The following CADM2 variants were observed in gnomAD, a reference collection of about 807,000 sequenced individuals.
The protein encoded by CADM2 is cell adhesion molecule 2.
Under a neutral mutation model 49.8 loss-of-function variants are expected in CADM2, and 12 were observed. The ratio of observed to expected loss-of-function variants is 0.24; its 90% CI spans 0.15 to 0.39. CADM2 has a LOEUF of 0.39. Among genes scored for constraint, CADM2 ranks in the 10% least tolerant of loss-of-function variants. The pLI is 1.00. For missense variants in CADM2, 378 were observed against 492.3 expected (o/e 0.77, Z 2.20); for synonymous variants, 214 against 175.4 (o/e 1.22, Z -1.74).
chr3:85,617,321 G>A (rs563537427), intron 1 of CADM2, among the ~76,000 whole-genome samples: 1 of 152,184 alleles, frequency 6.6e-6, no homozygotes, highest in African/African-American at 2.4e-5. Context: ...CAGGGAAACA[G>A]TTACTTATGA....
At chr3:85,292,044 A>G (rs1045079920) in intron 1 of CADM2, among the ~76,000 whole-genome samples, 2 of 151,670 alleles carry the variant, frequency 1.3e-5, no homozygotes, top group African/African-American at 4.9e-5. Flanking sequence ...CAGGAAACCC[A>G]TCTCATGTGC....
At chr3:85,496,328 G>A (rs1425683359) in intron 1 of CADM2, among the ~76,000 whole-genome samples, 1 of 152,122 alleles carries the variant, frequency 6.6e-6, no homozygotes, top group African/African-American at 2.4e-5. Context: ...TTTTGCTTAC[G>A]ATAATGGCCT....
chr3:85,236,673 A>G (rs1390207811), intron 1 of CADM2, among the ~76,000 whole-genome samples: 1 of 152,140 alleles, frequency 6.6e-6, no homozygotes. Flanking sequence ...TTGTATACAT[A>G]ACAAGCTATG....
At chr3:85,506,276 C>T (rs1576676635) in intron 1 of CADM2, among the ~76,000 whole-genome samples, 3 of 152,132 alleles carry the variant, frequency 2.0e-5, no homozygotes, top group Non-Finnish European at 4.4e-5. Flanking sequence ...AATTTAGCTG[C>T]TCTTTAGCTT....
At chr3:85,012,497 A>G (rs1368421624) in intron 1 of CADM2, among the ~76,000 whole-genome samples, 1 of 149,246 alleles carries the variant, frequency 6.7e-6, no homozygotes, top group South Asian at 2.1e-4. Flanking sequence ...GTATATATTT[A>G]TAATATATTA....
chr3:86,000,115 A>G (rs1268344208), intron 8 of CADM2, among the ~76,000 whole-genome samples: 2 of 152,200 alleles, frequency 1.3e-5, no homozygotes, highest in Admixed American at 6.5e-5. Context: ...AATGAGTCTG[A>G]GGAGAGAAGA....
At chr3:85,356,706 C>T (rs1262060585) in intron 1 of CADM2, among the ~76,000 whole-genome samples, 1 of 152,084 alleles carries the variant, frequency 6.6e-6, no homozygotes, top group Non-Finnish European at 1.5e-5. Flanking sequence ...AAATGCTATG[C>T]ATTTAATGTC....
intron 8 of CADM2, among the ~76,000 whole-genome samples, chr3:86,031,727 A>C (rs889487655): frequency 6.6e-6 from 1 of 151,840 alleles, no homozygotes; most frequent in Admixed American, 6.6e-5. Flanking sequence ...TACATGAAGA[A>C]ACTAGTGCTT....
At chr3:85,411,887 G>A (rs1045629202) in intron 1 of CADM2, among the ~76,000 whole-genome samples, 1 of 152,052 alleles carries the variant, frequency 6.6e-6, no homozygotes, top group South Asian at 2.1e-4. Flanking sequence ...ACCCAAGCTG[G>A]AGTGATCTCA....
At chr3:85,335,355 C>T (rs1326564120) in intron 1 of CADM2, among the ~76,000 whole-genome samples, 1 of 151,432 alleles carries the variant, frequency 6.6e-6, no homozygotes, top group African/African-American at 2.4e-5. Context: ...GATTTTAACT[C>T]TTCTTCTTCC....
At chr3:86,013,251 CA>C (rs1294084611) in intron 8 of CADM2, 1 of 1,477,034 alleles carries the variant, frequency 6.8e-7, no homozygotes, top group African/African-American at 1.4e-5. Flanking sequence ...TAGCAATGCT[CA>C]GAACCCCAGT....
intron 1 of CADM2, among the ~76,000 whole-genome samples, chr3:85,678,956 A>G (rs2065962456): frequency 6.6e-6 from 1 of 152,154 alleles, no homozygotes; most frequent in East Asian, 1.9e-4. Flanking sequence ...CCCCCACAGT[A>G]AAGGATTATC....
At chr3:85,177,502 C>A in intron 1 of CADM2, among the ~76,000 whole-genome samples, 1 of 151,662 alleles carries the variant, frequency 6.6e-6, no homozygotes, top group South Asian at 2.1e-4. Flanking sequence ...CATATAATAT[C>A]TTAAAATTAT....
At chr3:85,004,560 CCTAA>C (rs1267288845) in intron 1 of CADM2, among the ~76,000 whole-genome samples, 24 of 152,132 alleles carry the variant, frequency 1.6e-4, no homozygotes, top group African/African-American at 5.8e-4. Context: ...ATGTGAGATG[CCTAA>C]CTGAGATTCT....
At chr3:85,560,748 TA>T (rs1251434822) in intron 1 of CADM2, among the ~76,000 whole-genome samples, 1 of 152,234 alleles carries the variant, frequency 6.6e-6, no homozygotes, top group African/African-American at 2.4e-5. Flanking sequence ...GTTACTCATT[TA>T]TACAACAATT....
chr3:85,600,365 G>T (rs1483872699), intron 1 of CADM2, among the ~76,000 whole-genome samples: 1 of 151,884 alleles, frequency 6.6e-6, no homozygotes, highest in African/African-American at 2.4e-5. Flanking sequence ...TATCTGTCTT[G>T]TTCGTCAGCA....
intron 3 of CADM2, among the ~76,000 whole-genome samples, chr3:85,826,033 G>A (rs1251909774): frequency 6.6e-6 from 1 of 151,996 alleles, no homozygotes; most frequent in Non-Finnish European, 1.5e-5. Context: ...TAATATCTCT[G>A]AAAGTAAAAT....
intron 1 of CADM2, among the ~76,000 whole-genome samples, chr3:85,425,847 T>A (rs1304538921): frequency 6.6e-6 from 1 of 152,200 alleles, no homozygotes; most frequent in Non-Finnish European, 1.5e-5. Context: ...CCACCATATT[T>A]ATTGGTAATC....
intron 7 of CADM2, among the ~76,000 whole-genome samples, chr3:85,954,762 A>G (rs921193211): frequency 6.6e-6 from 1 of 151,244 alleles, no homozygotes; most frequent in Non-Finnish European, 1.5e-5. Context: ...ACATTTACTT[A>G]TCCCTTCCTT....
Sources: gnomAD v4.1 joint callset for allele counts (sites outside exome capture counted in the v4.1 genomes callset) on GRCh38, gnomAD v4.1.1 for gene constraint, MANE v1.5 for transcripts, NCBI Gene and HGNC (gene_info 2026-07-23, HGNC 2026-07-21) for gene names.